COG5: variants seen among roughly 807,000 people sequenced by gnomAD.
COG5 encodes the protein component of oligomeric golgi complex 5.
In COG5, 86 loss-of-function variants were observed where a neutral mutation model predicts 110.4. That is an observed-to-expected ratio of 0.78 (90% CI 0.65 to 0.93). The LOEUF (loss-of-function observed/expected upper bound fraction) is 0.93, where lower values mean the gene tolerates loss of function less well. Among genes scored for constraint, COG5 ranks in the 40% least tolerant of loss-of-function variants. The pLI, the probability that COG5 is intolerant of heterozygous loss-of-function variation, is 0.00. For synonymous variants in COG5, 360 were observed against 334.6 expected (o/e 1.08, Z -0.83); for missense variants, 1,077 against 987.0 (o/e 1.09, Z -1.22).
intron 6 of COG5, among the ~76,000 whole-genome samples, chr7:107,413,201 G>A (rs984156128): frequency 1.3e-5 from 2 of 151,486 alleles, no homozygotes; most frequent in South Asian, 4.2e-4. Flanking sequence ...TTTTTTAAGA[G>A]ACAGGGTCTC....
chr7:107,317,751 T>G (rs1342136607), intron 11 of COG5, among the ~76,000 whole-genome samples: 1 of 152,120 alleles, frequency 6.6e-6, no homozygotes, highest in Non-Finnish European at 1.5e-5. Flanking sequence ...TTATTAGACA[T>G]GCAAATAAGT....
intron 19 of COG5, among the ~76,000 whole-genome samples, chr7:107,221,750 G>A (rs531628319): frequency 5.4e-4 from 80 of 148,004 alleles, no homozygotes; most frequent in African/African-American, 1.7e-3. Context: ...GGGTGACAGA[G>A]TGAGACTCCG....
chr7:107,336,287 G>A (rs912265538), intron 10 of COG5, among the ~76,000 whole-genome samples: 3 of 152,130 alleles, frequency 2.0e-5, no homozygotes, highest in Non-Finnish European at 2.9e-5. Context: ...AATACACCAA[G>A]CACAGAAACA....
chr7:107,385,450 C>T (rs1316297997), intron 7 of COG5, among the ~76,000 whole-genome samples: 2 of 152,096 alleles, frequency 1.3e-5, no homozygotes, highest in African/African-American at 4.8e-5. Flanking sequence ...CATATGTTTG[C>T]AAACCAAGTG....
chr7:107,552,473 A>G (rs1318908106), intron 3 of COG5, among the ~76,000 whole-genome samples: 1 of 152,204 alleles, frequency 6.6e-6, no homozygotes, highest in Non-Finnish European at 1.5e-5. Context: ...AAAGACATAA[A>G]GAGACATTTC....
At chr7:107,559,319 A>T (rs1436972040) in intron 1 of COG5, among the ~76,000 whole-genome samples, 1 of 152,194 alleles carries the variant, frequency 6.6e-6, no homozygotes, top group Non-Finnish European at 1.5e-5. Context: ...AAAAATAGAT[A>T]CCCAGAAGGG....
chr7:107,253,503 T>C (rs1192796873), intron 16 of COG5, among the ~76,000 whole-genome samples: 1 of 152,122 alleles, frequency 6.6e-6, no homozygotes, highest in Admixed American at 6.5e-5. Context: ...GTAATCACTA[T>C]CTGCACAAGA....
intron 19 of COG5, among the ~76,000 whole-genome samples, chr7:107,229,872 G>C (rs1185141444): frequency 7.8e-6 from 1 of 127,690 alleles, no homozygotes; most frequent in African/African-American, 3.0e-5. Context: ...TTTTTTTTGA[G>C]ACAGAGTCTC....
At chr7:107,230,540 A>T in intron 19 of COG5, 75 bp downstream of exon 19, 1 of 1,103,534 alleles carries the variant, frequency 9.1e-7, no homozygotes. Flanking sequence ...TGGCAATTTT[A>T]TGAAGTTCAA....
intron 7 of COG5, among the ~76,000 whole-genome samples, chr7:107,375,348 G>A (rs952342697): frequency 6.6e-6 from 1 of 151,852 alleles, no homozygotes; most frequent in Non-Finnish European, 1.5e-5. Context: ...ACCTCTATTA[G>A]TGAACATATA....
intron 17 of COG5, among the ~76,000 whole-genome samples, chr7:107,241,625 T>A (rs1275582680): frequency 2.6e-5 from 4 of 151,846 alleles, no homozygotes; most frequent in Non-Finnish European, 5.9e-5. Flanking sequence ...CTAATTTTTT[T>A]ATATTTTTAG....
In COG5 at chr7:107,415,759, T is replaced by C. The variant is rs374837661; in HGVS notation, c.539-3127A>G. 2.6e-3 allele frequency among the ~76,000 whole-genome samples: 384 copies of C among 146,024 alleles called. 1 individual carries two copies. The highest frequency in any genetic ancestry group is 7.0e-3 in the Admixed American group (103 of 14,624). ...ATATAAATACATGTATGTATATATG[T>C]ATGTGTGTATATATACACACACATA... On this transcript the variant is annotated intron_variant, in intron 6 of 21. Transcript: ENST00000297135.
chr7:107,395,938 CAATAA>C (rs1364686823), intron 7 of COG5, among the ~76,000 whole-genome samples: 1 of 151,990 alleles, frequency 6.6e-6, no homozygotes, highest in East Asian at 1.9e-4. Flanking sequence ...AAACTTAAGA[CAATAA>C]AAAGAACAGT....
intron 11 of COG5, among the ~76,000 whole-genome samples, chr7:107,313,363 A>G (rs1808447361): frequency 6.6e-6 from 1 of 152,202 alleles, no homozygotes; most frequent in Non-Finnish European, 1.5e-5. Context: ...AGAGGAAGAC[A>G]ATACCGAATA....
At chr7:107,482,323 T>A (rs1018642297) in intron 6 of COG5, among the ~76,000 whole-genome samples, 23 of 151,188 alleles carry the variant, frequency 1.5e-4, no homozygotes, top group African/African-American at 3.2e-4. Context: ...AAAAAAAAAA[T>A]TTTGTAGAGA....
At chr7:107,404,558 G>A (rs1004545195) in intron 7 of COG5, among the ~76,000 whole-genome samples, 12 of 152,060 alleles carry the variant, frequency 7.9e-5, no homozygotes, top group Admixed American at 7.2e-4. Context: ...GAGTACCAAG[G>A]CCCTAAAGAA....
intron 16 of COG5, among the ~76,000 whole-genome samples, chr7:107,251,433 T>C (rs1383782188): frequency 6.6e-6 from 1 of 152,110 alleles, no homozygotes; most frequent in East Asian, 1.9e-4. Context: ...AAATCATCAT[T>C]TGGCTGCTCT....
At chr7:107,475,206 G>A (rs1274503005) in intron 6 of COG5, 1 of 1,611,614 alleles carries the variant, frequency 6.2e-7, no homozygotes, top group East Asian at 2.2e-5. Context: ...AAAGTAAAAT[G>A]AAAAAGCGAG....
Position 107,309,446 on chromosome 7 carries a change from T to C in COG5, c.1109-11100A>G, listed in dbSNP as rs539376630. The stretch of plus-strand genomic sequence containing the variant: ...GTTATTTACTGAACACTGTGTTCTC[T>C]GATAGGACTATAGCATGGAACAGAG... On this transcript the variant is annotated intron_variant, in intron 11 of 21. Transcript: ENST00000297135. 3.3e-5 allele frequency among the ~76,000 whole-genome samples: 5 copies of C among 152,294 alleles called. No individual in the cohort carries two copies. In the South Asian group the frequency reaches 1.0e-3, roughly 32 times the overall value.
Sources: gnomAD v4.1 joint callset for allele counts (sites outside exome capture counted in the v4.1 genomes callset) on GRCh38, gnomAD v4.1.1 for gene constraint, MANE v1.5 for transcripts, NCBI Gene and HGNC (gene_info 2026-07-23, HGNC 2026-07-21) for gene names.